APBA1: variants seen among roughly 807,000 people sequenced by gnomAD.
The protein encoded by APBA1 is amyloid beta precursor protein binding family A member 1.
Under a neutral mutation model 86.6 loss-of-function variants are expected in APBA1, and 55 were observed. The ratio of observed to expected loss-of-function variants is 0.64; its 90% CI spans 0.51 to 0.80. The LOEUF is 0.80. Ranked by LOEUF, APBA1 falls within the 30% of genes least tolerant of loss-of-function variation. APBA1 has a pLI of 0.00. For missense variants in APBA1, 1,090 were observed against 1,183.0 expected, an observed-to-expected ratio of 0.92 and a Z score of 1.15; for synonymous variants, 511 against 493.9, an observed-to-expected ratio of 1.03 and a Z score of -0.46.
At chr9:69,558,141 A>G (rs1227953025) in intron 1 of APBA1, among the ~76,000 whole-genome samples, 4 of 152,174 alleles carry the variant, frequency 2.6e-5, no homozygotes, top group Non-Finnish European at 4.4e-5. Context: ...TCTGTGCATT[A>G]AAGTCTATTT....
intron 1 of APBA1, among the ~76,000 whole-genome samples, chr9:69,665,150 G>A (rs1823821221): frequency 6.6e-6 from 1 of 152,130 alleles, no homozygotes; most frequent in South Asian, 2.1e-4. Context: ...ATATCCCTAG[G>A]GAAATGGTGG....
At chr9:69,486,757 G>A (rs545793909) in intron 2 of APBA1, among the ~76,000 whole-genome samples, 5 of 152,058 alleles carry the variant, frequency 3.3e-5, no homozygotes, top group Admixed American at 6.5e-5. Context: ...CTGCGGAGCC[G>A]GGCTGGGACT....
At chr9:69,639,511 C>T (rs1336717111) in intron 1 of APBA1, among the ~76,000 whole-genome samples, 1 of 152,112 alleles carries the variant, frequency 6.6e-6, no homozygotes, top group Non-Finnish European at 1.5e-5. Flanking sequence ...TCAAAGAGCA[C>T]AAGGAGTATG....
At chr9:69,666,780 A>G (rs1823848199) in intron 1 of APBA1, among the ~76,000 whole-genome samples, 1 of 152,232 alleles carries the variant, frequency 6.6e-6, no homozygotes, top group African/African-American at 2.4e-5. Flanking sequence ...TGTATATATC[A>G]GGTATGAATA....
At chr9:69,641,606 A>G (rs766536246) in intron 1 of APBA1, among the ~76,000 whole-genome samples, 1 of 152,164 alleles carries the variant, frequency 6.6e-6, no homozygotes, top group Non-Finnish European at 1.5e-5. Context: ...TGGTAAGATG[A>G]TTTTCAACAA....
chr9:69,445,819 G>C (rs900727509), intron 10 of APBA1, among the ~76,000 whole-genome samples: 2 of 152,218 alleles, frequency 1.3e-5, no homozygotes, highest in Admixed American at 6.5e-5. Flanking sequence ...GAAGTGGCCA[G>C]ATGCAGAATG....
intron 1 of APBA1, among the ~76,000 whole-genome samples, chr9:69,541,771 T>C (rs1190637184): frequency 1.3e-5 from 2 of 151,872 alleles, no homozygotes; most frequent in Non-Finnish European, 2.9e-5. Flanking sequence ...ATAAAAAGAG[T>C]AAATACACTA....
chr9:69,658,226 T>A, intron 1 of APBA1, among the ~76,000 whole-genome samples: 1 of 13,232 alleles, frequency 7.6e-5, no homozygotes, highest in South Asian at 4.5e-3. Context: ...CTTTCTCTCT[T>A]TCTTTCTTTC....
chr9:69,618,193 C>T (rs1179948760), intron 1 of APBA1, among the ~76,000 whole-genome samples: 4 of 152,174 alleles, frequency 2.6e-5, no homozygotes, highest in Non-Finnish European at 5.9e-5. Flanking sequence ...GAACACAGCT[C>T]AGGCACTCTG....
At chr9:69,644,104 A>G (rs1286320245) in intron 1 of APBA1, among the ~76,000 whole-genome samples, 1 of 152,190 alleles carries the variant, frequency 6.6e-6, no homozygotes, top group Non-Finnish European at 1.5e-5. Context: ...TTTCCTCAGA[A>G]CATTGTAAAA....
chr9:69,523,507 A>ATG (rs1836293537), intron 1 of APBA1, among the ~76,000 whole-genome samples: 3 of 45,320 alleles, frequency 6.6e-5, no homozygotes, highest in East Asian at 1.6e-3. Context: ...GTATATATAT[A>ATG]TATATATATA....
intron 1 of APBA1, among the ~76,000 whole-genome samples, chr9:69,631,386 C>A (rs1280440223): frequency 6.6e-6 from 1 of 152,168 alleles, no homozygotes; most frequent in Non-Finnish European, 1.5e-5. Flanking sequence ...GAATGGCAAT[C>A]ATTACAAAGT....
chr9:69,458,796 ATCTTT>A lies in APBA1; in HGVS notation c.1483-613_1483-609del, dbSNP rs573079364. On this transcript the variant is annotated intron_variant, in intron 5 of 12. Coordinates refer to ENST00000265381, the MANE Select transcript of APBA1 (RefSeq NM_001163.4). ...TGATACATTTGGGGATTTTCTAGTT[ATCTTT>A]TCTTTTCTTTTTTTTTTTTTCTGAG... is the stretch of plus-strand genomic sequence containing the variant. Among the ~76,000 whole-genome samples, 513 of 148,380 alleles carry A rather than the reference ATCTTT, an allele frequency of 3.5e-3. 2 individuals are homozygous for A. The highest frequency in any genetic ancestry group is 0.012 in the African/African-American group (473 of 40,426).
At chr9:69,591,833 G>T (rs991665547) in intron 1 of APBA1, among the ~76,000 whole-genome samples, 3 of 152,192 alleles carry the variant, frequency 2.0e-5, no homozygotes, top group African/African-American at 7.2e-5. Context: ...CCATGTGATA[G>T]GTACAGTGCA....
chr9:69,583,183 TA>T (rs996679593), intron 1 of APBA1, among the ~76,000 whole-genome samples: 15 of 152,264 alleles, frequency 9.9e-5, no homozygotes, highest in African/African-American at 3.6e-4. Flanking sequence ...GGGAAGGTAT[TA>T]AGTGGAAATG....
intron 1 of APBA1, among the ~76,000 whole-genome samples, chr9:69,532,445 G>A (rs369410193): frequency 1.3e-5 from 2 of 152,144 alleles, no homozygotes; most frequent in African/African-American, 2.4e-5. Context: ...ATGGGAGGTC[G>A]CTTCCCGACC....
intron 2 of APBA1, among the ~76,000 whole-genome samples, chr9:69,489,871 T>C (rs1054662453): frequency 2.0e-5 from 3 of 152,166 alleles, no homozygotes; most frequent in African/African-American, 4.8e-5. Flanking sequence ...TTTTACACTG[T>C]TGGTGGGACT....
chr9:69,493,675 T>TA (rs1235406285), intron 2 of APBA1, among the ~76,000 whole-genome samples: 2 of 152,080 alleles, frequency 1.3e-5, no homozygotes, highest in African/African-American at 4.8e-5. Context: ...AGAGACCCCA[T>TA]AAAATATATA....
intron 1 of APBA1, among the ~76,000 whole-genome samples, chr9:69,532,526 C>T (rs963874610): frequency 7.2e-5 from 11 of 152,186 alleles, no homozygotes; most frequent in Non-Finnish European, 1.5e-4. Flanking sequence ...CTGCCAAGCC[C>T]GTCCCCACAC....
Sources: allele counts gnomAD v4.1 joint callset (sites outside exome capture counted in the v4.1 genomes callset), GRCh38; gene constraint gnomAD v4.1.1; transcripts MANE v1.5; gene names NCBI Gene and HGNC (gene_info 2026-07-23, HGNC 2026-07-21).